ADARB1: variants seen among roughly 807,000 people sequenced by gnomAD.
ADARB1 encodes the protein adenosine deaminase RNA specific B1, also known as double-stranded RNA-specific editase 1.
ADARB1 carries 10 observed loss-of-function variants against 52.4 expected under a neutral mutation model. The observed-to-expected ratio is 0.19, with a 90% CI of 0.12 to 0.32. ADARB1 has a LOEUF of 0.32. Ranked by LOEUF, ADARB1 falls within the 10% of genes least tolerant of loss-of-function variation. The probability of loss-of-function intolerance (pLI) is 1.00; values close to 1 mark genes in which losing one functional copy is unlikely to be tolerated. For synonymous variants in ADARB1, 349 were observed against 371.1 expected (o/e 0.94, Z 0.68); for missense variants, 643 against 922.3 (o/e 0.70, Z 3.92).
chr21:45,116,330 T>A (rs974513302), intron 1 of ADARB1, among the ~76,000 whole-genome samples: 25 of 152,284 alleles, frequency 1.6e-4, no homozygotes, highest in African/African-American at 5.8e-4. Flanking sequence ...TTGCCTCGGC[T>A]GCTAAGTCTT....
At chr21:45,106,479 G>GT (rs2087263586) in intron 1 of ADARB1, among the ~76,000 whole-genome samples, 1 of 152,160 alleles carries the variant, frequency 6.6e-6, no homozygotes, top group South Asian at 2.1e-4. Context: ...TTTCTTAGCC[G>GT]TGAGTCTGTG....
intron 1 of ADARB1, among the ~76,000 whole-genome samples, chr21:45,084,719 T>C (rs563081249): frequency 6.6e-6 from 1 of 152,330 alleles, no homozygotes; most frequent in Non-Finnish European, 1.5e-5. Flanking sequence ...TTAACATATA[T>C]ATCAGTCAGG....
Position 45,223,039 on chromosome 21 carries a change from G to T in ADARB1, c.*842G>T, listed in dbSNP as rs2092992358. ...AATCCCAGGCTGGCCATTCATTCAGGTTTTTTAAAGGATATTTAACTTTTA... is the reference window on the plus strand; with the variant it reads ...AATCCCAGGCTGGCCATTCATTCAGTTTTTTTAAAGGATATTTAACTTTTA... On this transcript the variant is annotated 3_prime_UTR_variant, in exon 11 of 11. Coordinates refer to ENST00000348831, the MANE Select transcript of ADARB1 (RefSeq NM_001112.4). 1 of 985,446 alleles carries T rather than the reference G, an allele frequency of 1.0e-6. No individual in the cohort carries two copies. Among genetic ancestry groups the T allele is most frequent in the Non-Finnish European group, 1.2e-6 (1 of 829,942 alleles). 61.0% of individuals were successfully genotyped at this position (985,446 alleles called of 1,614,324 possible).
intron 1 of ADARB1, among the ~76,000 whole-genome samples, chr21:45,127,953 A>G (rs1267965096): frequency 4.6e-5 from 7 of 152,248 alleles, no homozygotes; most frequent in African/African-American, 1.7e-4. Flanking sequence ...CTTCAGAAGC[A>G]GAGGTGGCCT....
chr21:45,122,933 C>T (rs187609246), intron 1 of ADARB1, among the ~76,000 whole-genome samples: 4 of 152,198 alleles, frequency 2.6e-5, no homozygotes, highest in Admixed American at 2.0e-4. Flanking sequence ...TATCTGAGAC[C>T]GTGGCAGGCA....
At chr21:45,102,443 C>T (rs2087060319) in intron 1 of ADARB1, among the ~76,000 whole-genome samples, 1 of 152,138 alleles carries the variant, frequency 6.6e-6, no homozygotes, top group African/African-American at 2.4e-5. Flanking sequence ...CTGCATGTTC[C>T]ATAAAACAGC....
At chr21:45,177,434 AG>A (rs1289243030) in intron 4 of ADARB1, 1 of 152,246 alleles carries the variant, frequency 6.6e-6, no homozygotes, top group Non-Finnish European at 1.5e-5. Context: ...AGGAAGGGGA[AG>A]TTCCAGGGTG....
At chr21:45,189,741 T>TG (rs950603536) in intron 8 of ADARB1, among the ~76,000 whole-genome samples, 2 of 152,010 alleles carry the variant, frequency 1.3e-5, no homozygotes, top group African/African-American at 4.8e-5. Flanking sequence ...TTGTTTTTTT[T>TG]TTTTTTTCTT....
chr21:45,172,553 T>C lies in ADARB1; in HGVS notation c.28+869T>C, dbSNP rs1051592225. ...CTTGGAGTCACTCTTGCGTACCATG[T>C]AGAACCCAAACCATGACCCAGTGAA... On this transcript the variant is annotated intron_variant, in intron 3 of 10. Transcript: ENST00000348831. This position sits in a 1 kb window ranked among gnomAD's most constrained non-coding sequence, Gnocchi z 4.4. 6.6e-6 allele frequency among the ~76,000 whole-genome samples: 1 copy of C among 152,202 alleles called. No individual in the cohort carries two copies. The highest frequency in any genetic ancestry group is 1.5e-5 in the Non-Finnish European group (1 of 68,042).
intron 1 of ADARB1, among the ~76,000 whole-genome samples, chr21:45,091,566 A>G (rs559334971): frequency 3.9e-5 from 6 of 152,314 alleles, no homozygotes; most frequent in East Asian, 3.9e-4. Flanking sequence ...ATCTCTGTCT[A>G]TGGCTCAGAG....
At chr21:45,114,844 G>A (rs1288533878) in intron 1 of ADARB1, among the ~76,000 whole-genome samples, 1 of 152,248 alleles carries the variant, frequency 6.6e-6, no homozygotes, top group Non-Finnish European at 1.5e-5. Flanking sequence ...TTGAGATGCT[G>A]CAGGGTGACA....
chr21:45,127,020 T>C (rs947759432), intron 1 of ADARB1, among the ~76,000 whole-genome samples: 2 of 152,210 alleles, frequency 1.3e-5, no homozygotes, highest in Non-Finnish European at 1.5e-5. Context: ...CTTTTTGGTG[T>C]GTAAAGCTTC....
chr21:45,125,587 C>T (rs2088525378), intron 1 of ADARB1, among the ~76,000 whole-genome samples: 2 of 152,254 alleles, frequency 1.3e-5, no homozygotes, highest in Non-Finnish European at 2.9e-5. Flanking sequence ...GAGCAGTCAC[C>T]CGCCTGCTGG....
At chr21:45,147,626 C>T (rs1266834020) in intron 2 of ADARB1, among the ~76,000 whole-genome samples, 3 of 152,196 alleles carry the variant, frequency 2.0e-5, no homozygotes. Context: ...AGGCCAGGCC[C>T]CCGGGGGTGC....
At position 45,220,419 on chromosome 21, in the gene ADARB1, C is replaced by T. The variant is rs1312637082; in HGVS notation, c.1748-417C>T. On this transcript the variant is annotated intron_variant, in intron 9 of 10. Transcript: ENST00000348831. This position sits in a 1 kb window ranked among gnomAD's most constrained non-coding sequence, Gnocchi z 6.3. ...TGGTGTGATACAGGAGCAACCCCCA[C>T]CTGCACGACCTCATGGGACCCTGCA... Among the ~76,000 whole-genome samples the T allele has an allele frequency of 1.3e-5, 2 of 152,214 alleles. No homozygotes were observed. Among genetic ancestry groups the T allele is most frequent in the African/African-American group, 4.8e-5 (2 of 41,446 alleles).
chr21:45,136,769 C>T (rs1056386481), intron 2 of ADARB1, among the ~76,000 whole-genome samples: 2 of 152,228 alleles, frequency 1.3e-5, no homozygotes, highest in Non-Finnish European at 2.9e-5. Flanking sequence ...CAGGGAGAAT[C>T]CCGCCCCCAG....
In ADARB1 at chr21:45,204,272, G is replaced by A. The variant is rs2092621985; in HGVS notation, c.1566-283G>A. The stretch of plus-strand genomic sequence containing the variant: ...TAATTAAATATGTAATTTCCTTTCT[G>A]ATATTTCCCACAGATTTCTCACAAG... On this transcript the variant is annotated intron_variant, in intron 8 of 10. Transcript: ENST00000348831. The surrounding 1 kb of genome is among the most constrained non-coding windows in gnomAD (Gnocchi z 4.4). 6.6e-6 allele frequency among the ~76,000 whole-genome samples: 1 copy of A among 152,192 alleles called. No individual in the cohort carries two copies. The highest frequency in any genetic ancestry group is 2.1e-4 in the South Asian group (1 of 4,832).
chr21:45,144,668 A>G (rs1364861323), intron 2 of ADARB1: 3 of 454,646 alleles, frequency 6.6e-6, no homozygotes, highest in South Asian at 1.6e-5. Context: ...GAAGAGAACC[A>G]TAGCTACGTT....
At chr21:45,114,786 C>T (rs2087738892) in intron 1 of ADARB1, among the ~76,000 whole-genome samples, 1 of 152,198 alleles carries the variant, frequency 6.6e-6, no homozygotes, top group Non-Finnish European at 1.5e-5. Flanking sequence ...TTGCTGCAGC[C>T]ATCTGCAGCA....
Sources: gnomAD v4.1 joint callset for allele counts (sites outside exome capture counted in the v4.1 genomes callset) on GRCh38, gnomAD v4.1.1 for gene constraint, Gnocchi (gnomAD v3.1) non-coding constraint, MANE v1.5 for transcripts, NCBI Gene and HGNC (gene_info 2026-07-23, HGNC 2026-07-21) for gene names.